Variants in LLGL1 observed in about 807,000 individuals in gnomAD.
LLGL1 encodes lethal(2) giant larvae protein homolog 1.
LLGL1 carries 58 observed loss-of-function variants against 110.6 expected under a neutral mutation model. The ratio of observed to expected loss-of-function variants is 0.52; its 90% CI spans 0.42 to 0.65. The LOEUF is 0.65. Among genes scored for constraint, LLGL1 ranks in the 30% least tolerant of loss-of-function variants. The pLI, the probability that LLGL1 is intolerant of heterozygous loss-of-function variation, is 0.00. For synonymous variants in LLGL1, 674 were observed against 607.2 expected (o/e 1.11, Z -1.62); for missense variants, 1,229 against 1,462.1 (o/e 0.84, Z 2.60).
chr17:18,236,642 C>A lies in LLGL1; in HGVS notation c.1388C>A (p.Ser463Ter), dbSNP rs1338497657. 1 of 1,612,840 alleles carries A rather than the reference C, an allele frequency of 6.2e-7. No homozygotes were observed. Among genetic ancestry groups the A allele is most frequent in the Admixed American group, 1.7e-5 (1 of 60,020 alleles). Residue 463 changes from serine to a stop codon, truncating the protein, a stop_gained, in exon 12 of 23, where the codon TCG becomes TAG. Coordinates refer to ENST00000316843, the MANE Select transcript of LLGL1 (RefSeq NM_004140.4). LOFTEE classifies it high-confidence loss of function. ...EDGTVRFWDA[S>*]GVALRPLYKL... ...GGCACCGTGAGGTTCTGGGATGCCT[C>A]GGGTGTGGCGCTGCGGCCGCTCTAT... is the stretch of plus-strand genomic sequence containing the variant.
chr17:18,238,004 A>G, intron 14 of LLGL1, 63 bp from the exon 15 acceptor site: 1 of 1,578,134 alleles, frequency 6.3e-7, no homozygotes, highest in South Asian at 1.1e-5. Flanking sequence ...ACAGGCCAGC[A>G]GGAGTGTGGT....
At position 18,234,056 on chromosome 17, in the gene LLGL1, G is replaced by T; in HGVS notation, c.595G>T (p.Glu199Ter). ...CTGTGGGAAGGCACTGGGCCCCGTG[G>T]AGTCACTCCAGGGACACCTGCGGGA... ...YRCGKALGPVESLQGHLRDPT... is the reference protein window; with the variant it reads ...YRCGKALGPV Residue 199 changes from glutamate to a stop codon, truncating the protein, a stop_gained, in exon 6 of 23, where the codon GAG becomes TAG. Transcript: ENST00000316843. LOFTEE classifies it high-confidence loss of function. The T allele has an allele frequency of 6.2e-7, 1 of 1,604,792 alleles. No homozygotes were observed.
In LLGL1 at chr17:18,226,365, C is replaced by T. The variant is rs569574716; in HGVS notation, c.81+602C>T. Among the ~76,000 whole-genome samples the T allele has an allele frequency of 9.9e-5, 15 of 152,198 alleles. No homozygotes were observed. The South Asian group carries it at 3.1e-3, about 32-fold the overall frequency. On this transcript the variant is annotated intron_variant, in intron 1 of 22. Transcript: ENST00000316843. ...TCCCTGCTCGGCCCTTGGGACAGCC[C>T]TGGGGCCCGGTTTGTTTTGTGCTTT...
intron 1 of LLGL1, among the ~76,000 whole-genome samples, chr17:18,228,121 C>T (rs2047491352): frequency 6.6e-6 from 1 of 152,172 alleles, no homozygotes; most frequent in Non-Finnish European, 1.5e-5. Flanking sequence ...ACTCAGGTGG[C>T]TGATATAGTT....
chr17:18,225,743 G>C lies in LLGL1; in HGVS notation c.61G>C (p.Glu21Gln). 9.6e-7 allele frequency: 1 copy of C among 1,043,154 alleles called. No individual in the cohort carries two copies. The allele number at this position is 1,043,154 out of a possible 1,614,324, so 64.6% of individuals were successfully genotyped here. A position where few individuals can be genotyped will look rare whatever the true frequency, so the allele number is the denominator to read the frequency against. The change falls in exon 1 of 23, where the codon GAG becomes CAG. Residue 21 changes from glutamate to glutamine, a missense_variant. Physicochemically the swap from Glu to Gln is conservative, Grantham distance 29 (BLOSUM62 2). Coordinates refer to ENST00000316843, the MANE Select transcript of LLGL1 (RefSeq NM_004140.4). The stretch of plus-strand genomic sequence containing the variant: ...CCCGCAGCGCGAGAAGCTCAAGCAG[G>C]AGCTTTTCGCCTTCAACAAGGTGCG... ...ADPQREKLKQ[E>Q]LFAFNKTVEH...
intron 17 of LLGL1, chr17:18,241,137 C>G: frequency 1.7e-6 from 1 of 588,762 alleles, no homozygotes; most frequent in Non-Finnish European, 3.0e-6. Flanking sequence ...CTGTACTGGG[C>G]CCAGACCCCT....
chr17:18,236,800 C>T (rs1458627228), intron 12 of LLGL1, 35 bp from the exon 13 acceptor site: 5 of 1,612,592 alleles, frequency 3.1e-6, no homozygotes, highest in Non-Finnish European at 4.2e-6. Context: ...GGTCCTGACC[C>T]CGCCTGGACT....
At chr17:18,237,433 C>A in intron 13 of LLGL1, 48 bp from the exon 14 acceptor site, 1 of 1,479,368 alleles carries the variant, frequency 6.8e-7, no homozygotes, top group Non-Finnish European at 9.0e-7. Flanking sequence ...GGGCCCAGGG[C>A]GGCCCCTCCC....
rs572067853 is a variant in LLGL1, at chr17:18,234,376, C to T, written c.818C>T (p.Thr273Met). The T allele has an allele frequency of 3.5e-5, 56 of 1,612,116 alleles. No homozygotes were observed. The East Asian group carries it at 6.5e-4, about 19-fold the overall frequency. Residue 273 changes from threonine to methionine, a missense_variant, in exon 7 of 23, where the codon ACG (threonine) becomes ATG (methionine). Physicochemically the swap from Thr to Met is moderately conservative, Grantham distance 81. Coordinates refer to ENST00000316843, the MANE Select transcript of LLGL1 (RefSeq NM_004140.4). Reference protein sequence around the residue: ...VWSVDAGSFPTLQPTVATTPY... With the variant: ...VWSVDAGSFPMLQPTVATTPY... ...TCTGTGGATGCCGGCAGCTTCCCAACGCTGCAGCCCACGGTAGCCACCACA... is the reference window on the plus strand; with the variant it reads ...TCTGTGGATGCCGGCAGCTTCCCAATGCTGCAGCCCACGGTAGCCACCACA...
chr17:18,227,170 A>G (rs936083363), intron 1 of LLGL1, among the ~76,000 whole-genome samples: 1 of 152,140 alleles, frequency 6.6e-6, no homozygotes, highest in Non-Finnish European at 1.5e-5. Flanking sequence ...GGGATGTCTC[A>G]GGGTTTCCCT....
intron 8 of LLGL1, 62 bp downstream of exon 8, chr17:18,234,765 G>A (rs2047652538): frequency 1.6e-5 from 26 of 1,613,418 alleles, no homozygotes; most frequent in Non-Finnish European, 2.1e-5. Flanking sequence ...GGAAGGGTGG[G>A]CTCTCCCTAG....
In LLGL1 at chr17:18,241,758, G is replaced by T; in HGVS notation, c.2767+43G>T. On this transcript the variant is annotated intron_variant, in intron 18 of 22. Coordinates refer to ENST00000316843, the MANE Select transcript of LLGL1 (RefSeq NM_004140.4). ...CCGAGGAGGCCTTCCTCAGGCGAGC[G>T]AACTGAGTGGGACCAGTACTGCTTG... 2.5e-6 allele frequency: 4 copies of T among 1,608,022 alleles called. No individual in the cohort carries two copies. The South Asian group carries it at 4.4e-5, about 18-fold the overall frequency.
rs376194405 is a variant in LLGL1 at position 18,238,156 on chromosome 17, G to A, written c.1994G>A (p.Arg665Gln). The change falls in exon 15 of 23, where the codon CGG (arginine) becomes CAG (glutamine). Residue 665 changes from arginine to glutamine, a missense_variant. By Grantham distance (43) the Arg-to-Gln change is conservative. Coordinates refer to ENST00000316843, the MANE Select transcript of LLGL1 (RefSeq NM_004140.4). ...AAGAAGTCACTGCGCCAGTCTTTCC[G>A]GCGCATTCGCAAGAGTCGTGTCTCT... ...SLKKSLRQSFRRIRKSRVSGK... is the reference protein window; with the variant it reads ...SLKKSLRQSFQRIRKSRVSGK... 46 of 1,613,330 alleles carry A rather than the reference G, an allele frequency of 2.9e-5. No homozygotes were observed. The highest frequency in any genetic ancestry group is 4.4e-5 in the South Asian group (4 of 91,086).
rs568261419 is a variant in LLGL1, at chr17:18,235,079, C to T, written c.1061-10C>T. 17 of 1,613,784 alleles carry T rather than the reference C, an allele frequency of 1.1e-5. 1 individual carries two copies. The South Asian group carries it at 1.4e-4, about 14-fold the overall frequency. On this transcript the variant is annotated splice_polypyrimidine_tract_variant and intron_variant, in intron 9 of 22. Coordinates refer to ENST00000316843, the MANE Select transcript of LLGL1 (RefSeq NM_004140.4). ...GGCTGTGCTCACCCCATACTCCCTCCGTCCCACAGAATTTGATGACCCCCA... is the reference window on the plus strand; with the variant it reads ...GGCTGTGCTCACCCCATACTCCCTCTGTCCCACAGAATTTGATGACCCCCA...
At chr17:18,241,166 C>G (rs1447107728) in intron 17 of LLGL1, 1 of 590,966 alleles carries the variant, frequency 1.7e-6, no homozygotes, top group Admixed American at 3.1e-5. Context: ...TCCCCAGGGG[C>G]TCTGCCTCGA....
Position 18,237,570 on chromosome 17 carries a change from A to C in LLGL1, c.1701A>C (p.Thr567=). The C allele has an allele frequency of 6.2e-7, 1 of 1,610,094 alleles. No homozygotes were observed. Among genetic ancestry groups the C allele is most frequent in the Middle Eastern group, 2.2e-4 (1 of 4,512 alleles). ...IDLLQDREGF[T]WKGHERLSPR... ...TCCTCCAGGACCGCGAGGGCTTCAC[A>C]TGGAAGGGCCACGAGCGGCTGAGCC... is the stretch of plus-strand genomic sequence containing the variant. Residue 567 remains threonine (T), a synonymous_variant, in exon 14 of 23, where the codon ACA becomes ACC. Transcript: ENST00000316843.
intron 10 of LLGL1, 35 bp from the exon 11 acceptor site, chr17:18,235,435 A>G (rs1272754707): frequency 1.2e-6 from 2 of 1,613,376 alleles, no homozygotes; most frequent in Non-Finnish European, 1.7e-6. Context: ...TGTTCGTCCT[A>G]ACCTTGTGCA....
Position 18,240,474 on chromosome 17 carries a change from C to A in LLGL1, c.2207-104C>A. The stretch of plus-strand genomic sequence containing the variant: ...GTCCCAGGGTGTCATAGTTAGGAAG[C>A]AGGGCTACAAGAGAGGCAGGGAGGG... On this transcript the variant is annotated intron_variant, in intron 16 of 22. Transcript: ENST00000316843. The surrounding 1 kb of genome is among the most constrained non-coding windows in gnomAD (Gnocchi z 5.3). 1 of 1,328,196 alleles carries A rather than the reference C, an allele frequency of 7.5e-7. No individual in the cohort carries two copies. The highest frequency in any genetic ancestry group is 1.0e-6 in the Non-Finnish European group (1 of 982,130). 82.3% of individuals were successfully genotyped at this position (1,328,196 alleles called of 1,614,324 possible).
At chr17:18,242,345 C>G in intron 20 of LLGL1, 67 bp downstream of exon 20, 1 of 1,552,982 alleles carries the variant, frequency 6.4e-7, no homozygotes. Flanking sequence ...AGTCGGGACT[C>G]ACATAGCTCA....
Sources: gnomAD v4.1 joint callset for allele counts (sites outside exome capture counted in the v4.1 genomes callset) on GRCh38, gnomAD v4.1.1 for gene constraint, Gnocchi (gnomAD v3.1) non-coding constraint, MANE v1.5 for transcripts, NCBI Gene and HGNC (gene_info 2026-07-23, HGNC 2026-07-21) for gene names.